IL16: variants seen among roughly 807,000 people sequenced by gnomAD.
The protein encoded by IL16 is interleukin 16.
Under a neutral mutation model 110.1 loss-of-function variants are expected in IL16, and 67 were observed. The ratio of observed to expected loss-of-function variants is 0.61; its 90% CI spans 0.50 to 0.75. The LOEUF is 0.75. Ranked by LOEUF, IL16 falls within the 30% of genes least tolerant of loss-of-function variation. The pLI is 0.00. For missense variants in IL16, 1,545 were observed against 1,655.0 expected (o/e 0.93, Z 1.15); for synonymous variants, 689 against 662.9 (o/e 1.04, Z -0.61).
chr15:81,209,756 T>C (rs1183820520), intron 1 of IL16, among the ~76,000 whole-genome samples: 1 of 152,168 alleles, frequency 6.6e-6, no homozygotes, highest in Non-Finnish European at 1.5e-5. Flanking sequence ...CCATGTCCTG[T>C]CTGCCTACCT....
intron 1 of IL16, among the ~76,000 whole-genome samples, chr15:81,183,230 G>A (rs925697434): frequency 3.9e-5 from 6 of 152,162 alleles, no homozygotes; most frequent in South Asian, 2.1e-4. Flanking sequence ...CATGTGCCCC[G>A]GCTTCCTCTT....
intron 2 of IL16, among the ~76,000 whole-genome samples, chr15:81,231,538 A>C (rs558966201): frequency 6.6e-6 from 1 of 152,058 alleles, no homozygotes; most frequent in Non-Finnish European, 1.5e-5. Flanking sequence ...ATGCCTGGCT[A>C]ATTTTTGTAT....
At chr15:81,210,071 T>C (rs1896181518) in intron 1 of IL16, among the ~76,000 whole-genome samples, 1 of 152,214 alleles carries the variant, frequency 6.6e-6, no homozygotes, top group African/African-American at 2.4e-5. Context: ...TCTGGTTTCA[T>C]TCTTCAGCAT....
At chr15:81,274,299 A>T (rs77786267) in intron 6 of IL16, among the ~76,000 whole-genome samples, 1 of 152,104 alleles carries the variant, frequency 6.6e-6, no homozygotes, top group Admixed American at 6.5e-5. Flanking sequence ...TTGAAAATTT[A>T]AAAGTGTTTT....
chr15:81,300,036 C>A lies in IL16; in HGVS notation c.2710C>A (p.Leu904Met). 1.3e-6 allele frequency: 2 copies of A among 1,572,596 alleles called. No homozygotes were observed. Among genetic ancestry groups the A allele is most frequent in the Non-Finnish European group, 1.7e-6 (2 of 1,160,134 alleles). The change falls in exon 14 of 19, where the codon CTG becomes ATG. Residue 904 changes from leucine (L) to methionine (M), a missense_variant. Leu to Met is a conservative substitution (Grantham distance 15, BLOSUM62 2). Coordinates refer to ENST00000683961, the MANE Select transcript of IL16 (RefSeq NM_172217.5). The part of the protein sequence containing the change: ...TLVPQQPEQV[L>M]SSGSPAASEA... ...TGTGCCCCAGCAGCCTGAGCAAGTA[C>A]TGTCCTCGGGGTCCCCTGCAGCCTC...
intron 15 of IL16, among the ~76,000 whole-genome samples, 182 bp downstream of exon 15, chr15:81,301,694 T>A (rs1459488217): frequency 1.3e-5 from 2 of 152,220 alleles, no homozygotes; most frequent in African/African-American, 4.8e-5. Flanking sequence ...GAAGAGAGCC[T>A]TTTAGCTTGT....
Position 81,299,425 on chromosome 15 carries a change from C to G in IL16, c.2099C>G (p.Ala700Gly). ...PIKHPLLKRQ[A>G]RMDYSFDTTA... ...AAACACCCACTGCTTAAGAGGCAGG[C>G]TCGGATGGACTATAGCTTTGATACC... The change falls in exon 14 of 19, where the codon GCT becomes GGT. Residue 700 changes from alanine to glycine, a missense_variant. Ala to Gly is a moderately conservative substitution (Grantham distance 60). Around this residue, in one of 3 missense-constraint regions of IL16, gnomAD observed 1,185 missense variants for 1,238.8 expected, o/e 0.96. Coordinates refer to ENST00000683961, the MANE Select transcript of IL16 (RefSeq NM_172217.5). 2 of 1,614,084 alleles carry G rather than the reference C, an allele frequency of 1.2e-6. No homozygotes were observed. The highest frequency in any genetic ancestry group is 1.7e-6 in the Non-Finnish European group (2 of 1,180,020).
At chr15:81,294,232 C>T (rs549408608) in intron 12 of IL16, among the ~76,000 whole-genome samples, 1 of 152,340 alleles carries the variant, frequency 6.6e-6, no homozygotes, top group South Asian at 2.1e-4. Context: ...TTGCAGAGCG[C>T]TGGCAGGATG....
At chr15:81,227,909 G>T (rs1433333313) in intron 2 of IL16, among the ~76,000 whole-genome samples, 2 of 152,102 alleles carry the variant, frequency 1.3e-5, no homozygotes, top group African/African-American at 4.8e-5. Context: ...GTTTCAGCCT[G>T]TGAGCACCTG....
At chr15:81,234,368 A>G (rs1192611052) in intron 2 of IL16, among the ~76,000 whole-genome samples, 1 of 152,140 alleles carries the variant, frequency 6.6e-6, no homozygotes, top group Non-Finnish European at 1.5e-5. Flanking sequence ...TTGGACTAAC[A>G]TAATTTTTAC....
At chr15:81,290,418 A>G (rs1899657065) in intron 10 of IL16, 35 bp from the exon 11 acceptor site, 3 of 1,500,008 alleles carry the variant, frequency 2.0e-6, no homozygotes, top group Non-Finnish European at 2.8e-6. Flanking sequence ...AGGAGCTTCT[A>G]CTGTTTGTTT....
At chr15:81,191,964 C>T (rs972285639), upstream of IL16, among the ~76,000 whole-genome samples, 5 of 152,250 alleles carry the variant, frequency 3.3e-5, no homozygotes, top group East Asian at 1.9e-4. Flanking sequence ...TGGAAAACAA[C>T]GCAAAGCCTT....
chr15:81,300,467 C>T lies in IL16; in HGVS notation c.3141C>T (p.Phe1047=). The T allele has an allele frequency of 6.2e-7, 1 of 1,609,730 alleles. No individual in the cohort carries two copies. The highest frequency in any genetic ancestry group is 8.5e-7 in the Non-Finnish European group (1 of 1,176,390). The change falls in exon 14 of 19, where the codon TTC becomes TTT. Residue 1047 remains phenylalanine, a synonymous_variant. Coordinates refer to ENST00000683961, the MANE Select transcript of IL16 (RefSeq NM_172217.5). ...AAACATCTGCCTTGGACACAGGGTT[C>T]TCGCTCAAGTGAGTTTCTACACCCG... is the stretch of plus-strand genomic sequence containing the variant. The part of the protein sequence containing the change: ...SAETSALDTG[F]SLNLSELREY...
At chr15:81,232,058 T>TTTTTTTTTTTTTTTTG (rs1897021918) in intron 2 of IL16, among the ~76,000 whole-genome samples, 1 of 140,544 alleles carries the variant, frequency 7.1e-6, no homozygotes, top group Non-Finnish European at 1.5e-5. Context: ...TTTTTTTTTT[T>TTTTTTTTTTTTTTTTG]TTTTTTTTCT....
chr15:81,197,619 A>G (rs570187902), intron 1 of IL16, among the ~76,000 whole-genome samples: 1 of 152,136 alleles, frequency 6.6e-6, no homozygotes, highest in South Asian at 2.1e-4. Context: ...CTGCAGATTG[A>G]CCATGGGAAA....
chr15:81,233,459 C>CTGTG (rs5814049), intron 2 of IL16, among the ~76,000 whole-genome samples: 7,460 of 143,350 alleles, frequency 0.052, 222 homozygotes, highest in African/African-American at 0.058. Flanking sequence ...TCTTCTCTTT[C>CTGTG]TGTGTGTGTG....
chr15:81,274,192 G>C (rs1270165017), intron 6 of IL16, among the ~76,000 whole-genome samples: 2 of 152,148 alleles, frequency 1.3e-5, no homozygotes, highest in East Asian at 3.9e-4. Context: ...ACTTGCTTAG[G>C]GCAGGGTAGG....
intron 15 of IL16, among the ~76,000 whole-genome samples, chr15:81,302,901 C>T (rs899420368): frequency 6.6e-6 from 1 of 152,116 alleles, no homozygotes; most frequent in Non-Finnish European, 1.5e-5. Flanking sequence ...TAGGGACCTG[C>T]CTGACTCCTA....
intron 12 of IL16, among the ~76,000 whole-genome samples, chr15:81,294,985 C>T (rs1447158515): frequency 6.6e-6 from 1 of 152,096 alleles, no homozygotes; most frequent in Non-Finnish European, 1.5e-5. Context: ...TGGATGACCC[C>T]CAAGTCTTTC....
Sources: gnomAD v4.1 joint callset for allele counts (sites outside exome capture counted in the v4.1 genomes callset) on GRCh38, gnomAD v4.1.1 for gene constraint, gnomAD v4.1.1 regional missense constraint, MANE v1.5 for transcripts, NCBI Gene and HGNC (gene_info 2026-07-23, HGNC 2026-07-21) for gene names.